ADGRL4: variants seen among roughly 807,000 people sequenced by gnomAD.
The protein encoded by ADGRL4 is EGF, latrophilin and seven transmembrane domain containing 1.
A neutral mutation model predicts 74.8 loss-of-function variants in ADGRL4; 90 were observed. That is an observed-to-expected ratio of 1.20 (90% CI 1.02 to 1.43). The LOEUF is 1.43. Among genes scored for constraint, ADGRL4 ranks in the 40% most tolerant of loss-of-function variants. The pLI is 0.00. For missense variants in ADGRL4, 881 were observed against 814.3 expected (o/e 1.08, Z -1.00); for synonymous variants, 311 against 279.2 (o/e 1.11, Z -1.14).
chr1:78,916,196 G>T (rs1327154842), intron 12 of ADGRL4, among the ~76,000 whole-genome samples: 1 of 151,774 alleles, frequency 6.6e-6, no homozygotes, highest in Non-Finnish European at 1.5e-5. Flanking sequence ...CTATTTCAAA[G>T]AATACTTCCC....
intron 2 of ADGRL4, among the ~76,000 whole-genome samples, chr1:78,967,093 G>A (rs898657533): frequency 4.6e-5 from 7 of 152,010 alleles, no homozygotes; most frequent in African/African-American, 1.7e-4. Context: ...TTTTTTAAAG[G>A]AAAGTTAAAA....
At position 78,966,553 on chromosome 1, in the gene ADGRL4, C is replaced by T. The variant is rs997488441; in HGVS notation, c.173-20127G>A. 3.9e-5 allele frequency among the ~76,000 whole-genome samples: 6 copies of T among 152,056 alleles called. No homozygotes were observed. The East Asian group carries it at 1.2e-3, about 29-fold the overall frequency. On this transcript the variant is annotated intron_variant, in intron 2 of 14. Transcript: ENST00000370742. ...CTTCTGAGGGTAGGAGAAACTGTGC[C>T]CCCACCCTCATTGTTCCCAGGGGTC...
chr1:78,976,570 G>A (rs906213951), intron 2 of ADGRL4, among the ~76,000 whole-genome samples: 2 of 151,530 alleles, frequency 1.3e-5, no homozygotes, highest in Non-Finnish European at 3.0e-5. Context: ...ATTTTTAAAT[G>A]ATTACATGTT....
At chr1:78,983,475 T>G (rs1570271072) in intron 2 of ADGRL4, among the ~76,000 whole-genome samples, 1 of 148,000 alleles carries the variant, frequency 6.8e-6, no homozygotes, top group African/African-American at 2.5e-5. Flanking sequence ...AAGCAATTAA[T>G]GTAGCGAACT....
intron 2 of ADGRL4, among the ~76,000 whole-genome samples, chr1:78,991,882 G>T (rs1650614704): frequency 6.6e-6 from 1 of 151,928 alleles, no homozygotes. Flanking sequence ...AGTATGTATG[G>T]TTCCTTTAAC....
chr1:78,981,117 A>AGTAT (rs772708690), intron 2 of ADGRL4, among the ~76,000 whole-genome samples: 1 of 151,902 alleles, frequency 6.6e-6, no homozygotes, highest in African/African-American at 2.4e-5. Context: ...GCCTCTCTAT[A>AGTAT]GAACAGCCTT....
chr1:78,968,001 G>A lies in ADGRL4; in HGVS notation c.173-21575C>T, dbSNP rs1447128119. Among the ~76,000 whole-genome samples the A allele has an allele frequency of 3.3e-5, 5 of 152,256 alleles. No homozygotes were observed. In the East Asian group the frequency reaches 7.7e-4, roughly 24 times the overall value. On this transcript the variant is annotated intron_variant, in intron 2 of 14. Transcript: ENST00000370742. ...CAGAGGGTGCTTGGAGTGTCCAGAA[G>A]AGAAAGGTAAACAAGATTATTTGAC...
intron 2 of ADGRL4, among the ~76,000 whole-genome samples, chr1:78,971,610 A>G (rs1650169031): frequency 6.6e-6 from 1 of 152,184 alleles, no homozygotes; most frequent in African/African-American, 2.4e-5. Context: ...CCTTCAAAGT[A>G]TCTGTGAGCC....
At chr1:78,906,875 A>C (rs1648653153) in intron 12 of ADGRL4, among the ~76,000 whole-genome samples, 1 of 152,030 alleles carries the variant, frequency 6.6e-6, no homozygotes, top group Admixed American at 6.6e-5. Context: ...TAAAAATAGA[A>C]GAGATATAAG....
At chr1:78,992,388 C>T (rs1020750891) in intron 2 of ADGRL4, among the ~76,000 whole-genome samples, 1 of 152,020 alleles carries the variant, frequency 6.6e-6, no homozygotes, top group African/African-American at 2.4e-5. Flanking sequence ...AACAGCATTA[C>T]CTTGCAATAA....
intron 7 of ADGRL4, among the ~76,000 whole-genome samples, chr1:78,928,543 T>A (rs1649165502): frequency 6.6e-6 from 1 of 151,570 alleles, no homozygotes; most frequent in East Asian, 1.9e-4. Context: ...ATTTTTCTTC[T>A]TTACAATGCT....
intron 12 of ADGRL4, among the ~76,000 whole-genome samples, chr1:78,900,808 C>A (rs560398435): frequency 6.6e-6 from 1 of 152,102 alleles, no homozygotes; most frequent in Admixed American, 6.6e-5. Flanking sequence ...CATAAATTAC[C>A]CGGTCTCAGG....
At chr1:78,970,088 C>T (rs1393328221) in intron 2 of ADGRL4, among the ~76,000 whole-genome samples, 2 of 152,162 alleles carry the variant, frequency 1.3e-5, no homozygotes, top group Non-Finnish European at 2.9e-5. Flanking sequence ...CTGGGTGTGT[C>T]ACAAGACATC....
At chr1:78,906,657 T>C (rs1009951826) in intron 12 of ADGRL4, among the ~76,000 whole-genome samples, 3 of 152,020 alleles carry the variant, frequency 2.0e-5, no homozygotes, top group Non-Finnish European at 4.4e-5. Context: ...AAAATATTTG[T>C]TGTATATACT....
chr1:78,920,139 A>T, intron 10 of ADGRL4, 44 bp downstream of exon 10: 1 of 1,411,138 alleles, frequency 7.1e-7, no homozygotes, highest in Admixed American at 1.9e-5. Flanking sequence ...TTAAGAAAGT[A>T]CACATATCAT....
At position 78,999,367 on chromosome 1, in the gene ADGRL4, C is replaced by T. The variant is rs867844642; in HGVS notation, c.172+5703G>A. 4.3e-4 allele frequency among the ~76,000 whole-genome samples: 66 copies of T among 152,236 alleles called. 1 individual carries two copies. The highest frequency in any genetic ancestry group is 1.5e-3 in the African/African-American group (63 of 41,550). The stretch of plus-strand genomic sequence containing the variant: ...TTCTACCAGAATTTTCATGGAAAAG[C>T]AGCAGGAATTAAAATGTATTATAAT... On this transcript the variant is annotated intron_variant, in intron 2 of 14. Transcript: ENST00000370742.
At chr1:78,921,833 A>G (rs758209466) in intron 8 of ADGRL4, 47 bp from the exon 9 acceptor site, 2 of 1,119,292 alleles carry the variant, frequency 1.8e-6, no homozygotes, top group East Asian at 5.8e-5. Context: ...AAAGTTACAT[A>G]CATAGTATTG....
At chr1:78,991,168 T>C (rs1317245242) in intron 2 of ADGRL4, among the ~76,000 whole-genome samples, 1 of 152,084 alleles carries the variant, frequency 6.6e-6, no homozygotes, top group East Asian at 1.9e-4. Context: ...TACGATGTGT[T>C]CTTGTCCTTC....
Position 78,890,978 on chromosome 1 carries a change from A to G in ADGRL4, c.*176T>C, listed in dbSNP as rs1648258006. 1 of 655,270 alleles carries G rather than the reference A, an allele frequency of 1.5e-6. No individual in the cohort carries two copies. The highest frequency in any genetic ancestry group is 2.7e-6 in the Non-Finnish European group (1 of 366,608). 40.6% of individuals were successfully genotyped at this position (655,270 alleles called of 1,614,324 possible). A position where few individuals can be genotyped will look rare whatever the true frequency, so the allele number is the denominator to read the frequency against. Reference sequence around the variant, plus strand: ...AAAACATAGTATATCTATATGATACATAATTTTACCTTATTATCTACAGTT... The same window carrying G: ...AAAACATAGTATATCTATATGATACGTAATTTTACCTTATTATCTACAGTT... On this transcript the variant is annotated 3_prime_UTR_variant, in exon 15 of 15. Coordinates refer to ENST00000370742, the MANE Select transcript of ADGRL4 (RefSeq NM_022159.4).
Sources: allele counts gnomAD v4.1 joint callset (sites outside exome capture counted in the v4.1 genomes callset), GRCh38; gene constraint gnomAD v4.1.1; transcripts MANE v1.5; gene names NCBI Gene and HGNC (gene_info 2026-07-23, HGNC 2026-07-21).